The following DLG2 variants were observed in gnomAD, a reference collection of about 807,000 sequenced individuals.
The protein encoded by DLG2 is disks large homolog 2.
DLG2 carries 45 observed loss-of-function variants against 132.5 expected under a neutral mutation model. The ratio of observed to expected loss-of-function variants is 0.34; its 90% CI spans 0.27 to 0.44. The LOEUF (loss-of-function observed/expected upper bound fraction) is 0.44, where lower values mean the gene tolerates loss of function less well. Ranked by LOEUF, DLG2 falls within the 20% of genes least tolerant of loss-of-function variation. The pLI is 1.00. For synonymous variants in DLG2, 424 were observed against 419.6 expected, an observed-to-expected ratio of 1.01 and a Z score of -0.13; for missense variants, 1,045 against 1,196.9, an observed-to-expected ratio of 0.87 and a Z score of 1.87.
intron 11 of DLG2, among the ~76,000 whole-genome samples, chr11:84,031,852 GTTCAC>G (rs1348490349): frequency 2.0e-5 from 3 of 152,090 alleles, no homozygotes; most frequent in Non-Finnish European, 2.9e-5. Context: ...AACAGTGTGT[GTTCAC>G]TTCACGTCGT....
intron 6 of DLG2, among the ~76,000 whole-genome samples, chr11:84,891,881 G>C (rs2089451685): frequency 6.6e-6 from 1 of 152,008 alleles, no homozygotes; most frequent in African/African-American, 2.4e-5. Context: ...AGTCAGATGA[G>C]GGATAAAAAA....
intron 27 of DLG2, among the ~76,000 whole-genome samples, chr11:83,460,572 G>A (rs941123957): frequency 2.0e-5 from 3 of 152,134 alleles, no homozygotes; most frequent in African/African-American, 7.2e-5. Flanking sequence ...GCTCAGTTGT[G>A]TATCTCCTAA....
At chr11:83,588,356 AC>A (rs1180888987) in intron 19 of DLG2, among the ~76,000 whole-genome samples, 3 of 151,618 alleles carry the variant, frequency 2.0e-5, no homozygotes, top group East Asian at 3.9e-4. Context: ...ACTGGGAGGC[AC>A]CCCCCAGCAG....
At chr11:84,710,591 AT>A (rs778937857) in intron 6 of DLG2, among the ~76,000 whole-genome samples, 1 of 151,950 alleles carries the variant, frequency 6.6e-6, no homozygotes, top group East Asian at 1.9e-4. Context: ...ATGCAGTGAT[AT>A]CATTAATCCC....
At chr11:85,399,361 T>C (rs1007729839) in intron 3 of DLG2, among the ~76,000 whole-genome samples, 2 of 152,110 alleles carry the variant, frequency 1.3e-5, no homozygotes, top group African/African-American at 4.8e-5. Context: ...CTGCCCAAGG[T>C]AATTTATAGA....
At chr11:84,378,001 C>A (rs1288991686) in intron 7 of DLG2, among the ~76,000 whole-genome samples, 6 of 152,296 alleles carry the variant, frequency 3.9e-5, no homozygotes, top group Non-Finnish European at 8.8e-5. Context: ...AAGCCCAAAT[C>A]CTCATTCTAT....
chr11:84,898,356 A>G (rs2090462272), intron 6 of DLG2, among the ~76,000 whole-genome samples: 1 of 151,896 alleles, frequency 6.6e-6, no homozygotes. Flanking sequence ...CCCAATCCCC[A>G]AAGACTTTTA....
intron 6 of DLG2, among the ~76,000 whole-genome samples, chr11:85,002,900 C>G (rs181884691): frequency 6.6e-6 from 1 of 151,864 alleles, no homozygotes; most frequent in African/African-American, 2.4e-5. Context: ...TATATTTTCT[C>G]TTTCTTATTA....
chr11:85,456,617 T>C (rs926488661), intron 3 of DLG2, among the ~76,000 whole-genome samples: 2 of 152,200 alleles, frequency 1.3e-5, no homozygotes, highest in Non-Finnish European at 2.9e-5. Context: ...GCTATAAACT[T>C]CCCTCTTAAC....
intron 6 of DLG2, among the ~76,000 whole-genome samples, chr11:85,107,035 A>G (rs997724361): frequency 6.6e-6 from 1 of 152,036 alleles, no homozygotes; most frequent in Non-Finnish European, 1.5e-5. Flanking sequence ...TTCAGTAACT[A>G]CTTCTTGAAT....
chr11:83,926,212 T>C (rs2078954339), intron 15 of DLG2, among the ~76,000 whole-genome samples: 1 of 152,202 alleles, frequency 6.6e-6, no homozygotes, highest in Admixed American at 6.5e-5. Context: ...GTATTCCCAC[T>C]GAAGCTCAGA....
At chr11:85,182,640 G>A (rs1042842746) in intron 4 of DLG2, among the ~76,000 whole-genome samples, 2 of 151,540 alleles carry the variant, frequency 1.3e-5, no homozygotes. Context: ...GGGCACGCCT[G>A]TGTGAACACA....
intron 7 of DLG2, among the ~76,000 whole-genome samples, chr11:84,513,922 A>G (rs1312988879): frequency 6.6e-6 from 1 of 152,152 alleles, no homozygotes; most frequent in Non-Finnish European, 1.5e-5. Context: ...AATGGGAGAA[A>G]TCATTTGCCA....
At chr11:84,270,297 T>C (rs1366614673) in intron 7 of DLG2, among the ~76,000 whole-genome samples, 2 of 152,236 alleles carry the variant, frequency 1.3e-5, no homozygotes, top group African/African-American at 4.8e-5. Flanking sequence ...AGAAAAGTTC[T>C]GTGTTGCTGT....
intron 8 of DLG2, among the ~76,000 whole-genome samples, chr11:84,227,687 C>T (rs2097022659): frequency 6.6e-6 from 1 of 151,958 alleles, no homozygotes; most frequent in Admixed American, 6.6e-5. Context: ...TTTGGGAGGC[C>T]AATGTAGGCG....
At chr11:84,964,923 G>T (rs747174374) in intron 6 of DLG2, among the ~76,000 whole-genome samples, 2 of 152,058 alleles carry the variant, frequency 1.3e-5, no homozygotes, top group Non-Finnish European at 2.9e-5. Flanking sequence ...ACACATATAC[G>T]AAGTGTGATT....
chr11:84,734,851 C>G (rs1013326209), intron 6 of DLG2, among the ~76,000 whole-genome samples: 2 of 152,022 alleles, frequency 1.3e-5, no homozygotes, highest in Admixed American at 1.3e-4. Flanking sequence ...GCATGAAGGG[C>G]TGTTGAATTT....
At chr11:83,576,859 A>G (rs1345437898) in intron 19 of DLG2, among the ~76,000 whole-genome samples, 2 of 152,198 alleles carry the variant, frequency 1.3e-5, no homozygotes, top group Non-Finnish European at 2.9e-5. Context: ...TGGGAATGGT[A>G]ACTATGTGGA....
In DLG2 at chr11:85,215,731, T is replaced by G. The variant is rs182392179; in HGVS notation, c.187-61080A>C. On this transcript the variant is annotated intron_variant, in intron 4 of 27. Transcript: ENST00000376104. The stretch of plus-strand genomic sequence containing the variant: ...TCTTGTCCCTTCTCTACAAATTTAC[T>G]CTTCTTTGTTAAAATGCTACATAAA... 5.9e-4 allele frequency among the ~76,000 whole-genome samples: 90 copies of G among 152,272 alleles called. 1 individual carries two copies. Among genetic ancestry groups the G allele is most frequent in the Admixed American group, 5.9e-3 (90 of 15,280 alleles).
Sources: gnomAD v4.1 joint callset for allele counts (sites outside exome capture counted in the v4.1 genomes callset) on GRCh38, gnomAD v4.1.1 for gene constraint, MANE v1.5 for transcripts, NCBI Gene and HGNC (gene_info 2026-07-23, HGNC 2026-07-21) for gene names.